The following ADGRA2 variants were observed in gnomAD, a reference collection of about 807,000 sequenced individuals.
The protein encoded by ADGRA2 is adhesion G protein-coupled receptor A2.
A neutral mutation model predicts 98.7 loss-of-function variants in ADGRA2; 61 were observed. That is an observed-to-expected ratio of 0.62 (90% CI 0.50 to 0.76). The LOEUF is 0.76. ADGRA2 is among the 30% of genes least tolerant of loss of function. ADGRA2 has a pLI of 0.00. For synonymous variants in ADGRA2, 858 were observed against 831.5 expected, an observed-to-expected ratio of 1.03 and a Z score of -0.55; for missense variants, 1,712 against 1,860.0, an observed-to-expected ratio of 0.92 and a Z score of 1.46.
intron 1 of ADGRA2, among the ~76,000 whole-genome samples, chr8:37,798,614 G>A (rs987043680): frequency 6.6e-5 from 10 of 152,250 alleles, no homozygotes; most frequent in South Asian, 4.1e-4. Flanking sequence ...CAGCCTAAGA[G>A]CCGCTTCCCT....
chr8:37,797,384 T>C lies in ADGRA2; in HGVS notation c.116T>C (p.Leu39Pro). ...GCTCGGGGCGCGCCCGGCTGCCCGCTATCCATCCGCAGCTGCAAGTGCTCG... is the reference window on the plus strand; with the variant it reads ...GCTCGGGGCGCGCCCGGCTGCCCGCCATCCATCCGCAGCTGCAAGTGCTCG... ...PEARGAPGCP[L>P]SIRSCKCSGE... Residue 39 changes from leucine (L) to proline (P), a missense_variant, in exon 1 of 19, where the codon CTA becomes CCA. Leu to Pro is a moderately conservative substitution (Grantham distance 98, BLOSUM62 -3). Coordinates refer to ENST00000412232, the MANE Select transcript of ADGRA2 (RefSeq NM_032777.10). This position sits in a 1 kb window ranked among gnomAD's most constrained non-coding sequence, Gnocchi z 5.3. 7.0e-7 allele frequency: 1 copy of C among 1,430,618 alleles called. No individual in the cohort carries two copies. The highest frequency in any genetic ancestry group is 9.2e-7 in the Non-Finnish European group (1 of 1,091,642). The allele number at this position is 1,430,618 out of a possible 1,614,324, so 88.6% of individuals were successfully genotyped here. A position where few individuals can be genotyped will look rare whatever the true frequency, so the allele number is the denominator to read the frequency against.
chr8:37,834,178 C>T lies in ADGRA2; in HGVS notation c.1608+50C>T, dbSNP rs755249478. On this transcript the variant is annotated intron_variant, in intron 11 of 18. Coordinates refer to ENST00000412232, the MANE Select transcript of ADGRA2 (RefSeq NM_032777.10). The surrounding 1 kb of genome is among the most constrained non-coding windows in gnomAD (Gnocchi z 4.2). The stretch of plus-strand genomic sequence containing the variant: ...GGCCCTGGCATGCAGAGGAGGGAGG[C>T]GCTCCCTCTCAGGCGTGCACCTGCC... 28 of 1,501,728 alleles carry T rather than the reference C, an allele frequency of 1.9e-5. No homozygotes were observed. Among genetic ancestry groups the T allele is most frequent in the Non-Finnish European group, 2.5e-5 (27 of 1,101,228 alleles). 93.0% of individuals were successfully genotyped at this position (1,501,728 alleles called of 1,614,324 possible). A position where few individuals can be genotyped will look rare whatever the true frequency, so the allele number is the denominator to read the frequency against.
In ADGRA2 at chr8:37,842,160, C is replaced by T; in HGVS notation, c.3822C>T (p.Ser1274=). ...CGGGCCGGGCAGGCCAGCGCCGCAG[C>T]GCCAGCCGCGACAGTCTCAAGGGCG... is the stretch of plus-strand genomic sequence containing the variant. ...SEAGRAGQRR[S]ASRDSLKGGG... is the part of the protein sequence containing the mutation. The change falls in exon 19 of 19, where the codon AGC becomes AGT. Residue 1274 remains serine (S), a synonymous_variant. Coordinates refer to ENST00000412232, the MANE Select transcript of ADGRA2 (RefSeq NM_032777.10). 1 of 1,522,748 alleles carries T rather than the reference C, an allele frequency of 6.6e-7. No homozygotes were observed. Among genetic ancestry groups the T allele is most frequent in the Non-Finnish European group, 8.8e-7 (1 of 1,139,340 alleles). 94.3% of individuals were successfully genotyped at this position (1,522,748 alleles called of 1,614,324 possible).
chr8:37,835,828 C>T lies in ADGRA2; in HGVS notation c.2050+58C>T, dbSNP rs1003047554. On this transcript the variant is annotated intron_variant, in intron 13 of 18. Coordinates refer to ENST00000412232, the MANE Select transcript of ADGRA2 (RefSeq NM_032777.10). ...TGCCTCTCGTGTGTCCGCCCTGTTCCCCTTTATCCTGCCCTTCCCTGGCCC... is the reference window on the plus strand; with the variant it reads ...TGCCTCTCGTGTGTCCGCCCTGTTCTCCTTTATCCTGCCCTTCCCTGGCCC... 13 of 1,127,566 alleles carry T rather than the reference C, an allele frequency of 1.2e-5. No individual in the cohort carries two copies. The African/African-American group carries it at 2.0e-4, about 17-fold the overall frequency. The allele number at this position is 1,127,566 out of a possible 1,614,324, so 69.8% of individuals were successfully genotyped here.
intron 7 of ADGRA2, 113 bp from the exon 8 acceptor site, chr8:37,831,310 G>A (rs1805444855): frequency 2.1e-6 from 2 of 956,866 alleles, no homozygotes; most frequent in Non-Finnish European, 1.6e-6. Context: ...TGCATCCCTT[G>A]TTTCATTAAA....
At position 37,833,821 on chromosome 8, in the gene ADGRA2, T is replaced by C. The variant is rs1288763091; in HGVS notation, c.1430T>C (p.Val477Ala). The C allele has an allele frequency of 3.7e-6, 6 of 1,614,090 alleles. No homozygotes were observed. Among genetic ancestry groups the C allele is most frequent in the Non-Finnish European group, 5.1e-6 (6 of 1,180,052 alleles). ...ATGATCCAGAAATTTTTGGGTTATG[T>C]CGACCAGATCAAAGAGGTGAGACTC... ...AQMIQKFLGYVDQIKELVEVM... is the reference protein window; with the variant it reads ...AQMIQKFLGYADQIKELVEVM... The change falls in exon 10 of 19, where the codon GTC becomes GCC. Residue 477 changes from valine to alanine, a missense_variant. Transcript: ENST00000412232.
In ADGRA2 at chr8:37,841,833, G is replaced by A. The variant is rs1805806885; in HGVS notation, c.3495G>A (p.Arg1165=). The A allele has an allele frequency of 6.5e-7, 1 of 1,530,908 alleles. No individual in the cohort carries two copies. Among genetic ancestry groups the A allele is most frequent in the African/African-American group, 1.4e-5 (1 of 72,172 alleles). 94.8% of individuals were successfully genotyped at this position (1,530,908 alleles called of 1,614,324 possible). A position where few individuals can be genotyped will look rare whatever the true frequency, so the allele number is the denominator to read the frequency against. The part of the protein sequence containing the change: ...GEGEPEPAGT[R]GNLAHRHPNN... ...GAGAGCCGGAGCCGGCGGGCACCCG[G>A]GGAAACCTCGCCCACCGCCACCCCA... Residue 1165 remains arginine, a synonymous_variant, in exon 19 of 19, where the codon CGG becomes CGA. Transcript: ENST00000412232. The surrounding 1 kb of genome is among the most constrained non-coding windows in gnomAD (Gnocchi z 5.0).
At chr8:37,829,587 C>G (rs1805393468) in intron 5 of ADGRA2, 28 bp downstream of exon 5, 2 of 1,505,620 alleles carry the variant, frequency 1.3e-6, no homozygotes, top group Non-Finnish European at 1.8e-6. Flanking sequence ...GCTCAAGGAC[C>G]CAGACCCCTG....
At chr8:37,800,586 G>T (rs1162973842) in intron 1 of ADGRA2, among the ~76,000 whole-genome samples, 1 of 152,170 alleles carries the variant, frequency 6.6e-6, no homozygotes, top group Non-Finnish European at 1.5e-5. Flanking sequence ...CAGGGGACAA[G>T]ATAAGTTAGG....
intron 1 of ADGRA2, among the ~76,000 whole-genome samples, chr8:37,798,799 G>A (rs1804417256): frequency 6.6e-6 from 1 of 152,242 alleles, no homozygotes; most frequent in African/African-American, 2.4e-5. Context: ...TCTGACGCTG[G>A]CCGCCCGGCC....
chr8:37,832,130 T>G (rs1049659809), intron 8 of ADGRA2, among the ~76,000 whole-genome samples: 2 of 145,682 alleles, frequency 1.4e-5, no homozygotes, highest in African/African-American at 5.6e-5. Context: ...TTTTTTTTTT[T>G]TGAGAGAGAG....
rs1804356650 is a variant in ADGRA2, at chr8:37,797,307, G to C, written c.39G>C (p.Ala13=). The C allele has an allele frequency of 1.5e-6, 2 of 1,315,448 alleles. No individual in the cohort carries two copies. The highest frequency in any genetic ancestry group is 3.1e-5 in the African/African-American group (2 of 64,682). 81.5% of individuals were successfully genotyped at this position (1,315,448 alleles called of 1,614,324 possible). A position where few individuals can be genotyped will look rare whatever the true frequency, so the allele number is the denominator to read the frequency against. The change falls in exon 1 of 19, where the codon GCG becomes GCC. Residue 13 remains alanine (A), a synonymous_variant. Transcript: ENST00000412232. The surrounding 1 kb of genome is among the most constrained non-coding windows in gnomAD (Gnocchi z 5.3). ...GACGCAGGATGCGGGGGGCGCCCGC[G>C]CGCCTGCTGCTGCCGCTGCTGCCGT... ...AGGRRMRGAP[A]RLLLPLLPWL... is the part of the protein sequence containing the mutation.
At position 37,829,291 on chromosome 8, in the gene ADGRA2, C is replaced by T. The variant is rs1243869989; in HGVS notation, c.441C>T (p.Leu147=). 6.2e-7 allele frequency: 1 copy of T among 1,613,750 alleles called. No homozygotes were observed. Among genetic ancestry groups the T allele is most frequent in the South Asian group, 1.1e-5 (1 of 91,038 alleles). Residue 147 remains leucine (L), a synonymous_variant, in exon 4 of 19, where the codon CTC becomes CTT. Coordinates refer to ENST00000412232, the MANE Select transcript of ADGRA2 (RefSeq NM_032777.10). Reference sequence around the variant, plus strand: ...TCTCCAACAACCGGATTGGCTGTCTCACCTCCGAGACCTTCCAGGGCCTCC... The same window carrying T: ...TCTCCAACAACCGGATTGGCTGTCTTACCTCCGAGACCTTCCAGGGCCTCC... ...LDLSNNRIGC[L]TSETFQGLPR...
intron 8 of ADGRA2, 65 bp from the exon 9 acceptor site, chr8:37,832,945 G>A: frequency 7.7e-7 from 1 of 1,296,072 alleles, no homozygotes; most frequent in Non-Finnish European, 1.1e-6. Flanking sequence ...CCGTTCTAAA[G>A]TCGGGAGAAG....
At chr8:37,836,194 A>G (rs1318123113) in intron 13 of ADGRA2, among the ~76,000 whole-genome samples, 2 of 152,118 alleles carry the variant, frequency 1.3e-5, no homozygotes, top group South Asian at 4.1e-4. Context: ...TCTAGGCCAT[A>G]GTCCCTGCTC....
chr8:37,834,648 C>T lies in ADGRA2; in HGVS notation c.1608+520C>T, dbSNP rs1159143004. On this transcript the variant is annotated intron_variant, in intron 11 of 18. Transcript: ENST00000412232. The surrounding 1 kb of genome is among the most constrained non-coding windows in gnomAD (Gnocchi z 4.2). ...GAGCAAGAAGCCTGTAATCCCAGCA[C>T]GTTGGGAGGCCGATACAGGAGGATC... 2.0e-5 allele frequency among the ~76,000 whole-genome samples: 3 copies of T among 152,118 alleles called. No homozygotes were observed. Among genetic ancestry groups the T allele is most frequent in the Admixed American group, 6.6e-5 (1 of 15,266 alleles).
At chr8:37,828,504 T>TTGTTG (rs1805348937) in intron 2 of ADGRA2, among the ~76,000 whole-genome samples, 1 of 144,676 alleles carries the variant, frequency 6.9e-6, no homozygotes, top group Non-Finnish European at 1.5e-5. Flanking sequence ...TTTTTTTTTT[T>TTGTTG]GAGATGGAGT....
chr8:37,814,808 A>C lies in ADGRA2; in HGVS notation c.267-88A>C. 1 of 932,122 alleles carries C rather than the reference A, an allele frequency of 1.1e-6. No individual in the cohort carries two copies. Among genetic ancestry groups the C allele is most frequent in the Middle Eastern group, 2.2e-4 (1 of 4,618 alleles). 57.7% of individuals were successfully genotyped at this position (932,122 alleles called of 1,614,324 possible). ...CAACTCCAGGGGGCGCCATTGACAA[A>C]GATGCAAGCTGGCCCCACCAGTGGT... On this transcript the variant is annotated intron_variant, in intron 1 of 18. Coordinates refer to ENST00000412232, the MANE Select transcript of ADGRA2 (RefSeq NM_032777.10). This position sits in a 1 kb window ranked among gnomAD's most constrained non-coding sequence, Gnocchi z 4.3.
rs146117863 is a variant in ADGRA2, at chr8:37,815,614, G to T, written c.338+647G>T. On this transcript the variant is annotated intron_variant, in intron 2 of 18. Coordinates refer to ENST00000412232, the MANE Select transcript of ADGRA2 (RefSeq NM_032777.10). The stretch of plus-strand genomic sequence containing the variant: ...TGTGGGGAAGAGGGTTATCGAGGAG[G>T]AGCTGGTGGCTGTGAGTTGTTAGGG... 3.4e-4 allele frequency among the ~76,000 whole-genome samples: 52 copies of T among 152,360 alleles called. No homozygotes were observed. The East Asian group carries it at 7.1e-3, about 21-fold the overall frequency.
Sources: gnomAD v4.1 joint callset for allele counts (sites outside exome capture counted in the v4.1 genomes callset) on GRCh38, gnomAD v4.1.1 for gene constraint, Gnocchi (gnomAD v3.1) non-coding constraint, MANE v1.5 for transcripts, NCBI Gene and HGNC (gene_info 2026-07-23, HGNC 2026-07-21) for gene names.